Variants in AHRR observed in about 807,000 individuals in gnomAD.
The protein encoded by AHRR is ahR repressor.
A neutral mutation model predicts 44.0 loss-of-function variants in AHRR; 28 were observed. That is an observed-to-expected ratio of 0.64 (90% confidence interval 0.47 to 0.87). AHRR has a LOEUF of 0.87. AHRR is among the 40% of genes least tolerant of loss of function. AHRR has a pLI of 0.00. For synonymous variants in AHRR, 434 were observed against 407.0 expected (o/e 1.07, Z -0.80); for missense variants, 990 against 953.9 (o/e 1.04, Z -0.50).
chr5:345,553 T>TGTGTGTGGGGATGTGTGGGTGTGTGTGG (rs1742637124), intron 2 of AHRR, among the ~76,000 whole-genome samples: 1 of 147,162 alleles, frequency 6.8e-6, no homozygotes, highest in Non-Finnish European at 1.5e-5. Flanking sequence ...TGTGGGGATG[T>TGTGTGTGGGGATGTGTGGGTGTGTGTGG]GTGTGTGGGG....
Position 367,008 on chromosome 5 carries a change from T to C in AHRR, c.245-9602T>C, listed in dbSNP as rs920437836. ...TGAAAGGATGTTATTGGGACACTGG[T>C]GAAACTCAGTGGCATCTGTGGACAA... is the stretch of plus-strand genomic sequence containing the variant. On this transcript the variant is annotated intron_variant, in intron 3 of 10. Transcript: ENST00000684583. Among the ~76,000 whole-genome samples, 3 of 152,228 alleles carry C rather than the reference T, an allele frequency of 2.0e-5. No homozygotes were observed. In the East Asian group the frequency reaches 5.8e-4, roughly 29 times the overall value.
intron 3 of AHRR, among the ~76,000 whole-genome samples, chr5:367,256 G>A (rs990495622): frequency 3.3e-5 from 5 of 152,244 alleles, no homozygotes; most frequent in Admixed American, 1.3e-4. Context: ...GGGGGAGAAC[G>A]GGAGTTCGTG....
In AHRR at chr5:387,967, C is replaced by G. The variant is rs1033223353; in HGVS notation, c.351+11251C>G. Reference sequence around the variant, plus strand: ...ACCCCCTCGCTTCTGGAATGTTCTTCTTGTGAATCTGCATCTCTGTCAGTG... The same window carrying G: ...ACCCCCTCGCTTCTGGAATGTTCTTGTTGTGAATCTGCATCTCTGTCAGTG... On this transcript the variant is annotated intron_variant, in intron 4 of 10. Coordinates refer to ENST00000684583, the MANE Select transcript of AHRR (RefSeq NM_001377236.1). The surrounding 1 kb of genome is among the most constrained non-coding windows in gnomAD (Gnocchi z 5.1). Among the ~76,000 whole-genome samples, 1 of 152,180 alleles carries G rather than the reference C, an allele frequency of 6.6e-6. No individual in the cohort carries two copies. Among genetic ancestry groups the G allele is most frequent in the Admixed American group, 6.5e-5 (1 of 15,276 alleles).
intron 8 of AHRR, among the ~76,000 whole-genome samples, chr5:429,584 C>T (rs115408031): frequency 0.019 from 2,872 of 152,342 alleles, 92 homozygotes; most frequent in African/African-American, 0.063. Flanking sequence ...CTCGGCCCCT[C>T]GGCGCTGCAG....
intron 6 of AHRR, 36 bp downstream of exon 6, chr5:422,894 TAAA>T: frequency 6.3e-7 from 1 of 1,590,652 alleles, no homozygotes; most frequent in Non-Finnish European, 8.6e-7. Context: ...CAGCAAAACC[TAAA>T]GCAGGTCCCA....
Position 405,331 on chromosome 5 carries a change from G to A in AHRR, c.352-8013G>A, listed in dbSNP as rs751579937. ...TGGATGCAGATGTCCTGCGGGGTCCGTTTCCCTTTCTCTAGAAACGTGGTG... is the reference window on the plus strand; with the variant it reads ...TGGATGCAGATGTCCTGCGGGGTCCATTTCCCTTTCTCTAGAAACGTGGTG... On this transcript the variant is annotated intron_variant, in intron 4 of 10. Transcript: ENST00000684583. The surrounding 1 kb of genome is among the most constrained non-coding windows in gnomAD (Gnocchi z 4.5). Among the ~76,000 whole-genome samples, 4 of 152,146 alleles carry A rather than the reference G, an allele frequency of 2.6e-5. No homozygotes were observed. The highest frequency in any genetic ancestry group is 2.1e-4 in the South Asian group (1 of 4,832).
At chr5:354,989 G>C (rs559009611) in intron 3 of AHRR, among the ~76,000 whole-genome samples, 1 of 152,368 alleles carries the variant, frequency 6.6e-6, no homozygotes, top group East Asian at 1.9e-4. Context: ...GTCCCGGCTG[G>C]CCGCAGCCTC....
chr5:422,699 G>A (rs1341221375), intron 5 of AHRR, 30 bp from the exon 6 acceptor site: 1 of 1,613,990 alleles, frequency 6.2e-7, no homozygotes, highest in African/African-American at 1.3e-5. Context: ...CTTGGGGTAA[G>A]GCTGAAATAA....
At chr5:376,543 T>C (rs1438374653) in intron 3 of AHRR, 67 bp from the exon 4 acceptor site, 19 of 1,397,788 alleles carry the variant, frequency 1.4e-5, no homozygotes, top group Non-Finnish European at 1.5e-5. Context: ...ACAGGAAAGA[T>C]GTGAATGAAG....
intron 7 of AHRR, 80 bp from the exon 8 acceptor site, chr5:427,727 G>A (rs41282623): frequency 0.081 from 130,557 of 1,613,436 alleles, 5,687 homozygotes; most frequent in Admixed American, 0.13. Flanking sequence ...CCGCTGTCGC[G>A]CCCTTGAGTT....
chr5:369,431 T>G (rs1190128285), intron 3 of AHRR, among the ~76,000 whole-genome samples: 19 of 152,220 alleles, frequency 1.2e-4, no homozygotes, highest in Non-Finnish European at 1.2e-4. Flanking sequence ...TTGCCTGCTT[T>G]GCAAGGCTGA....
chr5:363,318 G>A (rs1037681052), intron 3 of AHRR, among the ~76,000 whole-genome samples: 1 of 152,084 alleles, frequency 6.6e-6, no homozygotes, highest in African/African-American at 2.4e-5. Context: ...GCATTCTCAT[G>A]GTCTCCTAAG....
rs2672753 is a variant in AHRR at position 404,486 on chromosome 5, C to T, written c.352-8858C>T. 57,752 of 467,792 alleles carry T rather than the reference C, an allele frequency of 0.12. 5,811 individuals are homozygous for T. Among genetic ancestry groups the T allele is most frequent in the African/African-American group, 0.39 (19,358 of 49,216 alleles). 29.0% of individuals were successfully genotyped at this position (467,792 alleles called of 1,614,324 possible). On this transcript the variant is annotated intron_variant, in intron 4 of 10. Transcript: ENST00000684583. The surrounding 1 kb of genome is among the most constrained non-coding windows in gnomAD (Gnocchi z 4.1). ...ACGGTGTGTTCACCAAAACATCTAA[C>T]GCAACTATTTTCAGACTTTACGGTT... is the stretch of plus-strand genomic sequence containing the variant.
rs528728466 is a variant in AHRR at position 388,916 on chromosome 5, C to G, written c.351+12200C>G. Reference sequence around the variant, plus strand: ...GTGCGGAGGGTTTCCGCCGGTGCCTCGCACAGGAGAGAAGATGGAGCCGAG... The same window carrying G: ...GTGCGGAGGGTTTCCGCCGGTGCCTGGCACAGGAGAGAAGATGGAGCCGAG... On this transcript the variant is annotated intron_variant, in intron 4 of 10. Transcript: ENST00000684583. This position sits in a 1 kb window ranked among gnomAD's most constrained non-coding sequence, Gnocchi z 5.2. Among the ~76,000 whole-genome samples the G allele has an allele frequency of 1.3e-5, 2 of 152,216 alleles. No individual in the cohort carries two copies. The highest frequency in any genetic ancestry group is 4.8e-5 in the African/African-American group (2 of 41,548).
intron 4 of AHRR, among the ~76,000 whole-genome samples, chr5:378,345 G>C (rs1468686052): frequency 1.3e-5 from 2 of 152,254 alleles, no homozygotes; most frequent in Non-Finnish European, 2.9e-5. Context: ...ATGGTCTGTT[G>C]ATTTAAGGTG....
At chr5:408,547 G>C (rs1309355425) in intron 4 of AHRR, among the ~76,000 whole-genome samples, 1 of 151,796 alleles carries the variant, frequency 6.6e-6, no homozygotes, top group Non-Finnish European at 1.5e-5. Context: ...CTTGGCTATT[G>C]GTGTATTATT....
At chr5:348,727 C>G (rs927901660) in intron 2 of AHRR, among the ~76,000 whole-genome samples, 1 of 152,166 alleles carries the variant, frequency 6.6e-6, no homozygotes, top group Non-Finnish European at 1.5e-5. Context: ...ATGGATAGAC[C>G]AAGTCTGTTT....
chr5:433,997 C>A lies in AHRR; in HGVS notation c.1257C>A (p.Ser419Arg). Residue 419 changes from serine (S) to arginine (R), a missense_variant, in exon 11 of 11, where the codon AGC becomes AGA. Transcript: ENST00000684583. ...GTGCCAGGCCGAGGCTGCAGCCCAG[C>A]AAGAATGACCCGCCCTCCCTGCGCC... ...EDGARPRLQP[S>R]KNDPPSLRPM... 6.3e-7 allele frequency: 1 copy of A among 1,575,952 alleles called. No homozygotes were observed. Among genetic ancestry groups the A allele is most frequent in the Non-Finnish European group, 8.6e-7 (1 of 1,162,186 alleles).
rs1277441994 is a variant in AHRR at position 395,206 on chromosome 5, C to T, written c.352-18138C>T. On this transcript the variant is annotated intron_variant, in intron 4 of 10. Coordinates refer to ENST00000684583, the MANE Select transcript of AHRR (RefSeq NM_001377236.1). This position sits in a 1 kb window ranked among gnomAD's most constrained non-coding sequence, Gnocchi z 5.3. ...CTGGGGATCCTGTCCTCAAGTCCCC[C>T]TCCTGCCAGGTGGCCGACACTGGCT... 6.6e-6 allele frequency among the ~76,000 whole-genome samples: 1 copy of T among 152,216 alleles called. No homozygotes were observed. Among genetic ancestry groups the T allele is most frequent in the African/African-American group, 2.4e-5 (1 of 41,460 alleles).
Sources: allele counts gnomAD v4.1 joint callset (sites outside exome capture counted in the v4.1 genomes callset), GRCh38; gene constraint gnomAD v4.1.1; non-coding constraint Gnocchi (gnomAD v3.1); transcripts MANE v1.5; gene names NCBI Gene and HGNC (gene_info 2026-07-23, HGNC 2026-07-21).